The following PCBD1 variants were observed in gnomAD, a reference collection of about 807,000 sequenced individuals.
The protein encoded by PCBD1 is pterin-4 alpha-carbinolamine dehydratase 1.
PCBD1 carries 16 observed loss-of-function variants against 12.6 expected under a neutral mutation model. The observed-to-expected ratio is 1.27, with a 90% confidence interval of 0.86 to 1.93. The LOEUF is 1.93. Among genes scored for constraint, PCBD1 ranks in the 30% most tolerant of loss-of-function variants. The pLI is 0.00. For synonymous variants in PCBD1, 53 were observed against 50.2 expected (o/e 1.05, Z -0.23); for missense variants, 86 against 130.1 (o/e 0.66, Z 1.65).
chr10:70,888,267 G>A, intron 1 of PCBD1: 2 of 358,630 alleles, frequency 5.6e-6, no homozygotes, highest in Non-Finnish European at 1.0e-5. Flanking sequence ...CCCCGGAAGG[G>A]TCCCGGAACA....
At chr10:70,887,753 C>G (rs1357319377) in intron 1 of PCBD1, 1 of 152,256 alleles carries the variant, frequency 6.6e-6, no homozygotes, top group African/African-American at 2.4e-5. Flanking sequence ...ACCGATTTCC[C>G]AAGCCTGCAT....
Position 70,888,563 on chromosome 10 carries a change from G to A in PCBD1, c.-30C>T, listed in dbSNP as rs1449649274. On this transcript the variant is annotated 5_prime_UTR_variant, in exon 1 of 4. Transcript: ENST00000299299. ...CGGGCGGCAGCAGGTGGCCAGCGGAGAGGGCAGGCGGCGGCCGGGCGCGCA... is the reference window on the plus strand; with the variant it reads ...CGGGCGGCAGCAGGTGGCCAGCGGAAAGGGCAGGCGGCGGCCGGGCGCGCA... The A allele has an allele frequency of 3.9e-5, 47 of 1,219,260 alleles. No homozygotes were observed. The East Asian group carries it at 1.4e-3, about 36-fold the overall frequency. The allele number at this position is 1,219,260 out of a possible 1,614,324, so 75.5% of individuals were successfully genotyped here. A position where few individuals can be genotyped will look rare whatever the true frequency, so the allele number is the denominator to read the frequency against.
At chr10:70,887,664 C>A (rs1367350799) in intron 1 of PCBD1, among the ~76,000 whole-genome samples, 1 of 152,176 alleles carries the variant, frequency 6.6e-6, no homozygotes, top group Admixed American at 6.5e-5. Context: ...AACTGACAAA[C>A]CTTCCAGGTG....
chr10:70,884,510 C>G (rs1247712483), intron 3 of PCBD1, among the ~76,000 whole-genome samples: 3 of 108,142 alleles, frequency 2.8e-5, no homozygotes, highest in Non-Finnish European at 5.1e-5. Flanking sequence ...GAGACGGAGT[C>G]TTGCTCTGTC....
At position 70,886,162 on chromosome 10, in the gene PCBD1, C is replaced by CCA. The variant is rs549519523; in HGVS notation, c.4-235_4-234dup. Among the ~76,000 whole-genome samples the CCA allele has an allele frequency of 5.5e-4, 84 of 152,156 alleles. No homozygotes were observed. The East Asian group carries it at 0.015, about 27-fold the overall frequency. On this transcript the variant is annotated intron_variant, in intron 1 of 3. Transcript: ENST00000299299. ...CCCTCAGGTCTTGGGTTTTAACACT[C>CCA]CACACACACACAAGGGAAATCACAA...
chr10:70,885,363 C>T, intron 2 of PCBD1, 131 bp from the exon 3 acceptor site: 1 of 726,882 alleles, frequency 1.4e-6, no homozygotes. Flanking sequence ...TCATTTCCCC[C>T]TTGACATCCT....
At position 70,883,902 on chromosome 10, in the gene PCBD1, G is replaced by T. The variant is rs1846536901; in HGVS notation, c.*48C>A. The T allele has an allele frequency of 6.3e-7, 1 of 1,589,602 alleles. No homozygotes were observed. ...CCTCAGCTCCCTCCCTGGACTCCCA[G>T]TTCAGTCACCCCTTCCCCCGGAAGA... On this transcript the variant is annotated 3_prime_UTR_variant, in exon 4 of 4. Coordinates refer to ENST00000299299, the MANE Select transcript of PCBD1 (RefSeq NM_000281.4).
chr10:70,883,705 G>A lies in PCBD1; in HGVS notation c.*245C>T. 3 of 1,376,366 alleles carry A rather than the reference G, an allele frequency of 2.2e-6. No homozygotes were observed. The highest frequency in any genetic ancestry group is 2.8e-6 in the Non-Finnish European group (3 of 1,062,456). 85.3% of individuals were successfully genotyped at this position (1,376,366 alleles called of 1,614,324 possible). A position where few individuals can be genotyped will look rare whatever the true frequency, so the allele number is the denominator to read the frequency against. ...GTTGCTGGGAAGTTGCAAAGAAAGG[G>A]GAGAGTTTATTCAAATTAGTGTAAC... On this transcript the variant is annotated 3_prime_UTR_variant, in exon 4 of 4. Transcript: ENST00000299299.
At chr10:70,888,500 C>T (rs1361171048) in intron 1 of PCBD1, 31 bp downstream of exon 1, 1 of 1,446,856 alleles carries the variant, frequency 6.9e-7, no homozygotes, top group Non-Finnish European at 9.1e-7. Context: ...GCCCCGCTGC[C>T]CCGATCGCGG....
At position 70,888,413 on chromosome 10, in the gene PCBD1, C is replaced by G. The variant is rs760029137; in HGVS notation, c.3+118G>C. 5 of 1,196,022 alleles carry G rather than the reference C, an allele frequency of 4.2e-6. No individual in the cohort carries two copies. In the African/African-American group the frequency reaches 4.9e-5, roughly 12 times the overall value. 74.1% of individuals were successfully genotyped at this position (1,196,022 alleles called of 1,614,324 possible). A position where few individuals can be genotyped will look rare whatever the true frequency, so the allele number is the denominator to read the frequency against. ...GCCGGGCAGAGACCCCACTTTCGGA[C>G]CCCGGCGGCTCCGCAGGGGACTCGA... is the stretch of plus-strand genomic sequence containing the variant. On this transcript the variant is annotated intron_variant, in intron 1 of 3. Transcript: ENST00000299299.
At position 70,885,152 on chromosome 10, in the gene PCBD1, C is replaced by T; in HGVS notation, c.216G>A (p.Lys72=). The T allele has an allele frequency of 1.2e-6, 2 of 1,612,608 alleles. No homozygotes were observed. Among genetic ancestry groups the T allele is most frequent in the Non-Finnish European group, 1.7e-6 (2 of 1,178,992 alleles). ...HHPEWFNVYN[K]VHITLSTHEC... ...AACAGAGGCACACAGCATCACTCAC[C>T]TTGTTGTACACGTTAAACCATTCAG... The change falls in exon 3 of 4, where the codon AAG becomes AAA. Residue 72 remains lysine, a splice_region_variant and synonymous_variant. Transcript: ENST00000299299.
chr10:70,886,927 C>T (rs895614221), intron 1 of PCBD1, among the ~76,000 whole-genome samples: 2 of 152,176 alleles, frequency 1.3e-5, no homozygotes, highest in Non-Finnish European at 2.9e-5. Flanking sequence ...ATCCCAGAAC[C>T]TAGGCTTCTA....
chr10:70,888,470 C>A, intron 1 of PCBD1, 61 bp downstream of exon 1: 1 of 1,459,564 alleles, frequency 6.9e-7, no homozygotes, highest in Non-Finnish European at 9.0e-7. Context: ...CCCGCTCCCA[C>A]CTCGCCCGCG....
At chr10:70,885,045 A>G in intron 3 of PCBD1, 107 bp downstream of exon 3, 1 of 870,974 alleles carries the variant, frequency 1.1e-6, no homozygotes. Context: ...TGGATGACCT[A>G]TGGGTCAGGA....
At chr10:70,886,531 G>A (rs549867216) in intron 1 of PCBD1, among the ~76,000 whole-genome samples, 49 of 152,230 alleles carry the variant, frequency 3.2e-4, no homozygotes, top group Non-Finnish European at 3.4e-4. Flanking sequence ...CTGTGTGTCA[G>A]CATTGCTGGG....
chr10:70,883,316 G>C (rs1182656935), downstream of PCBD1, among the ~76,000 whole-genome samples: 1 of 152,188 alleles, frequency 6.6e-6, no homozygotes, highest in Non-Finnish European at 1.5e-5. Flanking sequence ...ATAGTTAATT[G>C]TGTTCCTGTT....
chr10:70,882,297 C>A (rs1196349441), downstream of PCBD1: 1 of 152,202 alleles, frequency 6.6e-6, no homozygotes, highest in Non-Finnish European at 1.5e-5. Flanking sequence ...TCTGCCATAT[C>A]TGATATGATA....
Position 70,883,553 on chromosome 10 carries a change from G to A in PCBD1, c.*397C>T. On this transcript the variant is annotated 3_prime_UTR_variant, in exon 4 of 4. Transcript: ENST00000299299. Reference sequence around the variant, plus strand: ...TTATTTGAGACATAAAAACACATGTGTTTCTATTACATAGTGTGGGGTTTA... The same window carrying A: ...TTATTTGAGACATAAAAACACATGTATTTCTATTACATAGTGTGGGGTTTA... 9.0e-7 allele frequency: 1 copy of A among 1,114,552 alleles called. No individual in the cohort carries two copies. The highest frequency in any genetic ancestry group is 1.1e-6 in the Non-Finnish European group (1 of 904,690). The allele number at this position is 1,114,552 out of a possible 1,614,324, so 69.0% of individuals were successfully genotyped here.
At chr10:70,886,669 C>T (rs1168409360) in intron 1 of PCBD1, among the ~76,000 whole-genome samples, 5 of 152,222 alleles carry the variant, frequency 3.3e-5, no homozygotes, top group Admixed American at 3.3e-4. Context: ...GGTCCTGAGC[C>T]GCCAGGGCTA....
Sources: allele counts gnomAD v4.1 joint callset (sites outside exome capture counted in the v4.1 genomes callset), GRCh38; gene constraint gnomAD v4.1.1; transcripts MANE v1.5; gene names NCBI Gene and HGNC (gene_info 2026-07-23, HGNC 2026-07-21).